Variants in PCDHGA6 observed in about 807,000 individuals in gnomAD.
PCDHGA6 encodes protocadherin gamma-A6.
Under a neutral mutation model 60.6 loss-of-function variants are expected in PCDHGA6, and 41 were observed. The observed-to-expected ratio is 0.68, with a 90% CI of 0.53 to 0.88. PCDHGA6 has a LOEUF of 0.88. Ranked by LOEUF, PCDHGA6 falls within the 40% of genes least tolerant of loss-of-function variation. PCDHGA6 has a pLI of 0.00. For synonymous variants in PCDHGA6, 594 were observed against 524.4 expected (o/e 1.13, Z -1.81); for missense variants, 1,312 against 1,203.0 (o/e 1.09, Z -1.34).
chr5:141,409,480 C>A, intron 1 of PCDHGA6: 1 of 1,614,002 alleles, frequency 6.2e-7, no homozygotes, highest in Non-Finnish European at 8.5e-7. Flanking sequence ...TAGCCACTGA[C>A]AGGGGCAAGC....
intron 1 of PCDHGA6, chr5:141,413,956 G>A (rs2095696052): frequency 2.5e-6 from 4 of 1,613,366 alleles, no homozygotes; most frequent in African/African-American, 2.7e-5. Flanking sequence ...GAATTTGCCT[G>A]TGGGCACTCA....
chr5:141,374,052 T>C lies in PCDHGA6; in HGVS notation c.-32T>C, dbSNP rs1770060748. On this transcript the variant is annotated 5_prime_UTR_variant, in exon 1 of 4. Transcript: ENST00000517434. ...TGATGCAGATCTGTTCTTCCTCTTC[T>C]TAATCCCAGAGAAGTTCCTAATAAG... is the stretch of plus-strand genomic sequence containing the variant. The C allele has an allele frequency of 1.4e-6, 2 of 1,478,038 alleles. No individual in the cohort carries two copies. Among genetic ancestry groups the C allele is most frequent in the Non-Finnish European group, 9.0e-7 (1 of 1,115,096 alleles). The allele number at this position is 1,478,038 out of a possible 1,614,324, so 91.6% of individuals were successfully genotyped here. A position where few individuals can be genotyped will look rare whatever the true frequency, so the allele number is the denominator to read the frequency against.
At chr5:141,404,395 CA>C (rs2094524205) in intron 1 of PCDHGA6, 7 of 1,613,768 alleles carry the variant, frequency 4.3e-6, no homozygotes, top group Non-Finnish European at 5.9e-6. Flanking sequence ...ACCCTGATAG[CA>C]ATGAGAATTC....
chr5:141,414,184 G>C (rs1228749194), intron 1 of PCDHGA6: 3 of 1,609,416 alleles, frequency 1.9e-6, no homozygotes, highest in Non-Finnish European at 2.5e-6. Flanking sequence ...AACTGCAAAA[G>C]TGTTGATTAC....
chr5:141,438,392 A>C (rs2097958012), intron 1 of PCDHGA6, among the ~76,000 whole-genome samples: 1 of 151,714 alleles, frequency 6.6e-6, no homozygotes, highest in African/African-American at 2.4e-5. Context: ...TTAGTTCATC[A>C]TTAACTCTCT....
At chr5:141,445,342 T>C (rs1026595756) in intron 1 of PCDHGA6, among the ~76,000 whole-genome samples, 4 of 152,202 alleles carry the variant, frequency 2.6e-5, no homozygotes, top group African/African-American at 9.6e-5. Flanking sequence ...ACAGTAAACA[T>C]TGGTGTCTGC....
chr5:141,479,631 A>G (rs191955216), intron 1 of PCDHGA6: 1 of 152,282 alleles, frequency 6.6e-6, no homozygotes, highest in Non-Finnish European at 1.5e-5. Context: ...TCTCTTTAAC[A>G]ATAACAACAA....
At chr5:141,426,788 T>C (rs2096960035) in intron 1 of PCDHGA6, 1 of 456,568 alleles carries the variant, frequency 2.2e-6, no homozygotes, top group African/African-American at 2.0e-5. Context: ...CTCTCCAGAG[T>C]TACCAGCTCA....
rs762910422 is a variant in PCDHGA6, at chr5:141,485,747, C to T, written c.2425-9060C>T. ...GAAGCGCAGCGACGGCAGCCTGGTCCCAGAGCTGCTCCTGGAGAAGCCTTT... is the reference window on the plus strand; with the variant it reads ...GAAGCGCAGCGACGGCAGCCTGGTCTCAGAGCTGCTCCTGGAGAAGCCTTT... On this transcript the variant is annotated intron_variant, in intron 1 of 3. Coordinates refer to ENST00000517434, the MANE Select transcript of PCDHGA6 (RefSeq NM_018919.3). This position sits in a 1 kb window ranked among gnomAD's most constrained non-coding sequence, Gnocchi z 5.7. 1 of 1,614,162 alleles carries T rather than the reference C, an allele frequency of 6.2e-7. No individual in the cohort carries two copies.
rs2099668037 is a variant in PCDHGA6 at position 141,487,853 on chromosome 5, T to C, written c.2425-6954T>C. The C allele has an allele frequency of 1.0e-6, 1 of 984,708 alleles. No individual in the cohort carries two copies. The allele number at this position is 984,708 out of a possible 1,614,324, so 61.0% of individuals were successfully genotyped here. The stretch of plus-strand genomic sequence containing the variant: ...CCTATATCTGAGTAAGAAATGAAAG[T>C]AATTGGTGATCAAGAGCCAGGCTGT... On this transcript the variant is annotated intron_variant, in intron 1 of 3. Transcript: ENST00000517434. The surrounding 1 kb of genome is among the most constrained non-coding windows in gnomAD (Gnocchi z 5.0).
intron 1 of PCDHGA6, among the ~76,000 whole-genome samples, chr5:141,460,961 A>ATGTG (rs35821115): frequency 4.1e-5 from 6 of 144,616 alleles, no homozygotes; most frequent in South Asian, 2.2e-4. Context: ...GTATATATAT[A>ATGTG]TGTGTGTGTG....
intron 1 of PCDHGA6, among the ~76,000 whole-genome samples, chr5:141,453,692 C>G (rs1182118927): frequency 6.6e-6 from 1 of 152,146 alleles, no homozygotes; most frequent in African/African-American, 2.4e-5. Flanking sequence ...GTAGGTAGTC[C>G]TGGCTTTGAA....
intron 2 of PCDHGA6, among the ~76,000 whole-genome samples, chr5:141,499,772 C>T (rs1217675128): frequency 1.0e-4 from 15 of 147,946 alleles, no homozygotes; most frequent in Admixed American, 9.0e-4. Context: ...CTGCAGCCTT[C>T]GCCTCCCGGG....
intron 2 of PCDHGA6, among the ~76,000 whole-genome samples, chr5:141,502,537 G>A (rs900570745): frequency 2.0e-5 from 3 of 152,042 alleles, no homozygotes; most frequent in Admixed American, 6.6e-5. Context: ...GTTTGTTCGT[G>A]TGGTAAAAAC....
chr5:141,410,295 T>C (rs1043971768), intron 1 of PCDHGA6: 2 of 1,613,982 alleles, frequency 1.2e-6, no homozygotes, highest in East Asian at 2.2e-5. Context: ...GCCTTGGCCT[T>C]AATCTCAGTG....
In PCDHGA6 at chr5:141,456,878, G is replaced by T. The variant is rs71583646; in HGVS notation, c.2425-37929G>T. On this transcript the variant is annotated intron_variant, in intron 1 of 3. Coordinates refer to ENST00000517434, the MANE Select transcript of PCDHGA6 (RefSeq NM_018919.3). ...ATTGGGAGGCTGAGGCAGGAGAATCGCTTGAACCCGGGAGGCAGAGGTTGC... is the reference window on the plus strand; with the variant it reads ...ATTGGGAGGCTGAGGCAGGAGAATCTCTTGAACCCGGGAGGCAGAGGTTGC... Among the ~76,000 whole-genome samples, 307 of 152,160 alleles carry T rather than the reference G, an allele frequency of 2.0e-3. 1 individual carries two copies. The highest frequency in any genetic ancestry group is 0.01 in the Middle Eastern group (3 of 294).
rs529934949 is a variant in PCDHGA6 at position 141,383,902 on chromosome 5, A to C, written c.2424+7395A>C. ...TAGTCTGACAAAGGCAAAAGTACTG[A>C]TCACAGTTTTAGATGTAAATGATAA... On this transcript the variant is annotated intron_variant, in intron 1 of 3. Coordinates refer to ENST00000517434, the MANE Select transcript of PCDHGA6 (RefSeq NM_018919.3). The C allele has an allele frequency of 4.8e-5, 77 of 1,613,976 alleles. 1 individual carries two copies. The South Asian group carries it at 7.9e-4, about 17-fold the overall frequency.
In PCDHGA6 at chr5:141,374,825, C is replaced by T; in HGVS notation, c.742C>T (p.Arg248Cys). 1.2e-6 allele frequency: 2 copies of T among 1,613,896 alleles called. No individual in the cohort carries two copies. The highest frequency in any genetic ancestry group is 1.7e-6 in the Non-Finnish European group (2 of 1,179,884). The change falls in exon 1 of 4, where the codon CGT (arginine) becomes TGT (cysteine). Residue 248 changes from arginine (R) to cysteine (C), a missense_variant. By Grantham distance (180) the Arg-to-Cys change is radical. Coordinates refer to ENST00000517434, the MANE Select transcript of PCDHGA6 (RefSeq NM_018919.3). ...NTPMFTQPVY[R>C]VSVPENLPVG... ...TCCAATGTTTACTCAGCCTGTCTAC[C>T]GTGTAAGTGTTCCTGAAAACCTGCC... is the stretch of plus-strand genomic sequence containing the variant.
chr5:141,391,899 T>G (rs1283624057), intron 1 of PCDHGA6: 2 of 152,212 alleles, frequency 1.3e-5, no homozygotes, highest in Non-Finnish European at 2.9e-5. Flanking sequence ...GGATGGAGCT[T>G]TGCTTTTTAT....
Sources: allele counts gnomAD v4.1 joint callset (sites outside exome capture counted in the v4.1 genomes callset), GRCh38; gene constraint gnomAD v4.1.1; non-coding constraint Gnocchi (gnomAD v3.1); transcripts MANE v1.5; gene names NCBI Gene and HGNC (gene_info 2026-07-23, HGNC 2026-07-21).